The following PHLDB2 variants were observed in gnomAD, a reference collection of about 807,000 sequenced individuals.
PHLDB2 encodes pleckstrin homology-like domain family B member 2.
PHLDB2 carries 71 observed loss-of-function variants against 123.6 expected under a neutral mutation model. The ratio of observed to expected loss-of-function variants is 0.57; its 90% confidence interval spans 0.47 to 0.70. The LOEUF is 0.70. PHLDB2 is among the 30% of genes least tolerant of loss of function. The pLI, the probability that PHLDB2 is intolerant of heterozygous loss-of-function variation, is 0.00. For missense variants in PHLDB2, 1,446 were observed against 1,519.5 expected, an observed-to-expected ratio of 0.95 and a Z score of 0.80; for synonymous variants, 547 against 541.6, an observed-to-expected ratio of 1.01 and a Z score of -0.14.
chr3:111,969,614 T>C, intron 15 of PHLDB2, 76 bp from the exon 16 acceptor site: 1 of 1,199,948 alleles, frequency 8.3e-7, no homozygotes, highest in Non-Finnish European at 1.2e-6. Context: ...ACAGTTAATT[T>C]CTGCTTCTAA....
At chr3:111,847,123 A>T (rs1440348349) in intron 2 of PHLDB2, among the ~76,000 whole-genome samples, 3 of 152,100 alleles carry the variant, frequency 2.0e-5, no homozygotes, top group African/African-American at 2.4e-5. Context: ...AAACCAAATG[A>T]CATTTTTTTT....
chr3:111,849,013 G>C (rs1323846227), intron 2 of PHLDB2, among the ~76,000 whole-genome samples: 1 of 152,170 alleles, frequency 6.6e-6, no homozygotes, highest in Admixed American at 6.5e-5. Context: ...GCATTTCTCA[G>C]AACATAGCCC....
At chr3:111,850,312 G>A (rs1033795194) in intron 2 of PHLDB2, among the ~76,000 whole-genome samples, 1 of 152,132 alleles carries the variant, frequency 6.6e-6, no homozygotes, top group Non-Finnish European at 1.5e-5. Flanking sequence ...GGTGAGGGGG[G>A]CAGGGCTAGG....
In PHLDB2 at chr3:111,884,889, G is replaced by T; in HGVS notation, c.812G>T (p.Ser271Ile). 1 of 1,614,122 alleles carries T rather than the reference G, an allele frequency of 6.2e-7. No homozygotes were observed. Among genetic ancestry groups the T allele is most frequent in the Non-Finnish European group, 8.5e-7 (1 of 1,180,014 alleles). The change falls in exon 2 of 18, where the codon AGC becomes ATC. Residue 271 changes from serine to isoleucine, a missense_variant. This residue lies in a region of PHLDB2 where 832 missense variants were observed against 831.9 expected (regional missense o/e 1.00). Transcript: ENST00000431670. ...ACAGAGAACCAGCTGACACCTCTCA[G>T]CTTGCCTCCAAGAAACTCTCTGGGC... ...RATENQLTPL[S>I]LPPRNSLGNS...
At chr3:111,931,902 G>T (rs1389092658) in intron 5 of PHLDB2, among the ~76,000 whole-genome samples, 1 of 152,164 alleles carries the variant, frequency 6.6e-6, no homozygotes, top group Non-Finnish European at 1.5e-5. Context: ...TCTGACAGGT[G>T]ACTCTTAGCA....
intron 1 of PHLDB2, among the ~76,000 whole-genome samples, chr3:111,845,354 CAAAAAAAAAA>C (rs745585464): frequency 2.0e-3 from 77 of 39,152 alleles, no homozygotes; most frequent in African/African-American, 8.3e-3. Context: ...GACTCTGTCT[CAAAAAAAAAA>C]AAAAAAAAAA....
intron 2 of PHLDB2, among the ~76,000 whole-genome samples, chr3:111,847,395 A>G (rs556605852): frequency 2.0e-5 from 3 of 152,258 alleles, no homozygotes; most frequent in East Asian, 1.9e-4. Flanking sequence ...AGATTAGGGG[A>G]AAAAAAGACT....
chr3:111,819,385 G>A (rs1476268470), intron 1 of PHLDB2, among the ~76,000 whole-genome samples: 1 of 152,148 alleles, frequency 6.6e-6, no homozygotes, highest in African/African-American at 2.4e-5. Flanking sequence ...AGCCAAGGTA[G>A]ATAACCCATC....
At chr3:111,817,071 C>T (rs1486981479) in intron 1 of PHLDB2, among the ~76,000 whole-genome samples, 1 of 152,184 alleles carries the variant, frequency 6.6e-6, no homozygotes, top group Non-Finnish European at 1.5e-5. Context: ...GTGAGGCCTC[C>T]CCAGCCATGT....
At chr3:111,800,362 G>T (rs189046688) in intron 1 of PHLDB2, among the ~76,000 whole-genome samples, 1 of 152,218 alleles carries the variant, frequency 6.6e-6, no homozygotes, top group East Asian at 1.9e-4. Context: ...TACATGAAAA[G>T]AAATTTTTAT....
chr3:111,947,956 A>AATTT lies in PHLDB2; in HGVS notation c.2488-976_2488-975insATTT, dbSNP rs1472954171. On this transcript the variant is annotated intron_variant, in intron 9 of 17. Coordinates refer to ENST00000431670, the MANE Select transcript of PHLDB2 (RefSeq NM_001134438.2). ...TTTAACTCAATTTCAGCTTTAAAAG[A>AATTT]GAGGTGTTATTTTATATAGCTTTTT... Among the ~76,000 whole-genome samples, 25 of 152,224 alleles carry AATTT rather than the reference A, an allele frequency of 1.6e-4. 1 individual carries two copies. The highest frequency in any genetic ancestry group is 3.4e-4 in the Non-Finnish European group (23 of 68,038).
Position 111,804,914 on chromosome 3 carries a change from G to GT in PHLDB2, c.-48-40902dup, listed in dbSNP as rs2061513182. On this transcript the variant is annotated intron_variant, in intron 1 of 17. Transcript: ENST00000393923. ...ATAAATAACAATAGAACAATATCAA[G>GT]TTTTTGGTAAAATAAAAAGTTATTC... Among the ~76,000 whole-genome samples the GT allele has an allele frequency of 1.3e-5, 2 of 152,110 alleles. 1 individual carries two copies. The highest frequency in any genetic ancestry group is 4.1e-4 in the South Asian group (2 of 4,820).
At chr3:111,807,261 G>A (rs190104159) in intron 1 of PHLDB2, among the ~76,000 whole-genome samples, 4 of 152,108 alleles carry the variant, frequency 2.6e-5, no homozygotes, top group Non-Finnish European at 5.9e-5. Flanking sequence ...CAAACATAGA[G>A]ACAGGCAAAC....
intron 10 of PHLDB2, among the ~76,000 whole-genome samples, chr3:111,952,079 G>T (rs1467207419): frequency 6.6e-6 from 1 of 152,178 alleles, no homozygotes; most frequent in Non-Finnish European, 1.5e-5. Context: ...AACTTTATGT[G>T]GATTTGGAGT....
intron 1 of PHLDB2, among the ~76,000 whole-genome samples, chr3:111,762,094 T>C (rs1221309518): frequency 6.6e-6 from 1 of 152,178 alleles, no homozygotes; most frequent in Non-Finnish European, 1.5e-5. Flanking sequence ...ACCAGCGTCT[T>C]AGCTATTAGT....
intron 8 of PHLDB2, among the ~76,000 whole-genome samples, chr3:111,941,882 C>A (rs982477487): frequency 1.3e-5 from 2 of 152,042 alleles, no homozygotes. Flanking sequence ...AATTATAAGC[C>A]CATTTGGGGT....
intron 1 of PHLDB2, among the ~76,000 whole-genome samples, chr3:111,802,309 C>T (rs1175773392): frequency 6.6e-6 from 1 of 152,248 alleles, no homozygotes; most frequent in East Asian, 1.9e-4. Flanking sequence ...GAGGATCTGG[C>T]CTACAGAGTG....
chr3:111,913,278 C>G, intron 2 of PHLDB2, 41 bp from the exon 3 acceptor site: 1 of 1,533,408 alleles, frequency 6.5e-7, no homozygotes, highest in Non-Finnish European at 8.7e-7. Context: ...AGTATTCATT[C>G]TCACAAACCC....
At chr3:111,971,318 CTCTCA>C (rs752502828) in intron 16 of PHLDB2, among the ~76,000 whole-genome samples, 42 of 152,132 alleles carry the variant, frequency 2.8e-4, no homozygotes, top group Non-Finnish European at 4.7e-4. Flanking sequence ...TTATTTCATT[CTCTCA>C]TCTATCGGCC....
Sources: gnomAD v4.1 joint callset for allele counts (sites outside exome capture counted in the v4.1 genomes callset) on GRCh38, gnomAD v4.1.1 for gene constraint, gnomAD v4.1.1 regional missense constraint, MANE v1.5 for transcripts, NCBI Gene and HGNC (gene_info 2026-07-23, HGNC 2026-07-21) for gene names.